The following ERN2 variants were observed in gnomAD, a reference collection of about 807,000 sequenced individuals.
The protein encoded by ERN2 is endoplasmic reticulum to nucleus signaling 2.
Under a neutral mutation model 107.9 loss-of-function variants are expected in ERN2, and 111 were observed. The observed-to-expected ratio is 1.03, with a 90% CI of 0.88 to 1.20. The LOEUF (loss-of-function observed/expected upper bound fraction) is 1.20, where lower values mean the gene tolerates loss of function less well. Ranked by LOEUF, ERN2 falls within the 50% of genes most tolerant of loss-of-function variation. The probability of loss-of-function intolerance (pLI) is 0.00; values close to 1 mark genes in which losing one functional copy is unlikely to be tolerated. For missense variants in ERN2, 1,225 were observed against 1,197.9 expected (o/e 1.02, Z -0.33); for synonymous variants, 524 against 501.7 (o/e 1.04, Z -0.59).
chr16:23,700,401 CT>C, intron 13 of ERN2, 137 bp downstream of exon 13: 4 of 795,010 alleles, frequency 5.0e-6, no homozygotes. Context: ...GTAGCAGGCT[CT>C]ACTCAAAACA....
At position 23,694,793 on chromosome 16, in the gene ERN2, C is replaced by T; in HGVS notation, c.2035G>A (p.Gly679Ser). 6.2e-7 allele frequency: 1 copy of T among 1,613,448 alleles called. No homozygotes were observed. Among genetic ancestry groups the T allele is most frequent in the South Asian group, 1.1e-5 (1 of 90,944 alleles). Residue 679 changes from glycine (G) to serine (S), a missense_variant, in exon 17 of 22, where the codon GGC becomes AGC. Transcript: ENST00000256797. ...AGRCSFSLHS[G>S]IPGTEGWMAP... ...ATCCAGCCTTCCGTGCCGGGGATGC[C>T]GGAGTGGAGGCTGAAGCTACAGCGG...
chr16:23,694,774 C>T lies in ERN2; in HGVS notation c.2054G>A (p.Gly685Asp). The T allele has an allele frequency of 6.2e-7, 1 of 1,612,546 alleles. No individual in the cohort carries two copies. The highest frequency in any genetic ancestry group is 1.1e-5 in the South Asian group (1 of 90,772). ...CTGCAGAAGCTCGGGCGCCATCCAG[C>T]CTTCCGTGCCGGGGATGCCGGAGTG... is the stretch of plus-strand genomic sequence containing the variant. ...SLHSGIPGTE[G>D]WMAPELLQLL... Residue 685 changes from glycine to aspartate, a missense_variant, in exon 17 of 22, where the codon GGC (glycine) becomes GAC (aspartate). By Grantham distance (94) the Gly-to-Asp change is moderately conservative. Transcript: ENST00000256797.
Position 23,702,370 on chromosome 16 carries a change from T to A in ERN2, c.1081+20A>T. ...GTTCTTTATCTTCATCTACTCCCAA[T>A]TTGAGCCAGAGGATCTCACCAATGA... On this transcript the variant is annotated intron_variant, in intron 10 of 21. Coordinates refer to ENST00000256797, the MANE Select transcript of ERN2 (RefSeq NM_033266.4). The A allele has an allele frequency of 6.2e-7, 1 of 1,611,390 alleles. No homozygotes were observed. Among genetic ancestry groups the A allele is most frequent in the Non-Finnish European group, 8.5e-7 (1 of 1,178,394 alleles).
Position 23,695,302 on chromosome 16 carries a change from C to CT in ERN2, c.1697dup (p.Glu567GlyfsTer3), listed in dbSNP as rs1291520997. ...GCACGTTGGGGTGCCTGTCAGACTC[C>CT]TGCAGCAGTTGAACTTCCCGCCGAA... On this transcript the variant is annotated frameshift_variant, in exon 15 of 22. Transcript: ENST00000256797. LOFTEE classifies it high-confidence loss of function. 1 of 1,613,944 alleles carries CT rather than the reference C, an allele frequency of 6.2e-7. No individual in the cohort carries two copies. The highest frequency in any genetic ancestry group is 8.5e-7 in the Non-Finnish European group (1 of 1,179,978).
chr16:23,695,883 C>T lies in ERN2; in HGVS notation c.1610+11G>A, dbSNP rs1217969130. Reference sequence around the variant, plus strand: ...GCCATGTCCCCAGCTTGGCTCCTGGCTGCCACTCACCGGAAAACGAAAGTC... The same window carrying T: ...GCCATGTCCCCAGCTTGGCTCCTGGTTGCCACTCACCGGAAAACGAAAGTC... On this transcript the variant is annotated intron_variant, in intron 14 of 21. Transcript: ENST00000256797. 1.2e-6 allele frequency: 2 copies of T among 1,611,464 alleles called. No individual in the cohort carries two copies. The highest frequency in any genetic ancestry group is 1.7e-6 in the Non-Finnish European group (2 of 1,177,834).
rs765244062 is a variant in ERN2, at chr16:23,706,358, C to T, written c.561G>A (p.Ala187=). The T allele has an allele frequency of 1.9e-5, 29 of 1,556,126 alleles. No individual in the cohort carries two copies. The highest frequency in any genetic ancestry group is 1.7e-4 in the Middle Eastern group (1 of 5,894). The change falls in exon 7 of 22, where the codon GCG becomes GCA. Residue 187 remains alanine (A), a synonymous_variant. Coordinates refer to ENST00000256797, the MANE Select transcript of ERN2 (RefSeq NM_033266.4). ...TCCCAGGTGAGCCATCCATGGGGGG[C>T]GCTGAGTAGCGGCGGTAGGTGGTGT... ...RWNTTYRRYS[A]PPMDGSPGKY... is the part of the protein sequence containing the mutation.
chr16:23,697,561 C>T (rs1959881304), intron 13 of ERN2, among the ~76,000 whole-genome samples: 1 of 152,070 alleles, frequency 6.6e-6, no homozygotes. Flanking sequence ...ATGGAGTAAA[C>T]ACTTGCTTAG....
At position 23,695,216 on chromosome 16, in the gene ERN2, CG is replaced by C. The variant is rs1363459565; in HGVS notation, c.1783del (p.Arg595GlyfsTer8). The C allele has an allele frequency of 6.2e-7, 1 of 1,614,076 alleles. No homozygotes were observed. Among genetic ancestry groups the C allele is most frequent in the Non-Finnish European group, 8.5e-7 (1 of 1,179,996 alleles). ...QFHYIALELC[R>X]ASLQEYVENP... is the part of the protein sequence containing the mutation. ...GCAACTCACCTCCTGCAAGGAGGCCCGGCAGAGCTCCAGGGCAATGTAGTGG... is the reference window on the plus strand; with the variant it reads ...GCAACTCACCTCCTGCAAGGAGGCCCGCAGAGCTCCAGGGCAATGTAGTGG... On this transcript the variant is annotated frameshift_variant, in exon 15 of 22. Transcript: ENST00000256797. LOFTEE classifies it high-confidence loss of function.
rs1959753673 is a variant in ERN2, at chr16:23,695,128, A to G, written c.1801-10T>C. On this transcript the variant is annotated splice_polypyrimidine_tract_variant and intron_variant, in intron 15 of 21. Transcript: ENST00000256797. ...CCGGGTTTTCTACGTACTGAGCAGC[A>G]GCAAGGGCCAAAGCATCACTCTCCA... 1 of 1,613,928 alleles carries G rather than the reference A, an allele frequency of 6.2e-7. No individual in the cohort carries two copies. Among genetic ancestry groups the G allele is most frequent in the South Asian group, 1.1e-5 (1 of 91,080 alleles).
intron 17 of ERN2, among the ~76,000 whole-genome samples, chr16:23,694,261 TG>T (rs1201827585): frequency 1.3e-5 from 2 of 152,194 alleles, no homozygotes; most frequent in African/African-American, 4.8e-5. Flanking sequence ...CCTCTCAAAG[TG>T]CTGGGATTAC....
Position 23,702,808 on chromosome 16 carries a change from G to A in ERN2, c.855-106C>T, listed in dbSNP as rs74012351. The A allele has an allele frequency of 4.1e-3, 3,905 of 958,390 alleles. 93 individuals are homozygous for A. In the African/African-American group the frequency reaches 0.056, roughly 14 times the overall value. 59.4% of individuals were successfully genotyped at this position (958,390 alleles called of 1,614,324 possible). On this transcript the variant is annotated intron_variant, in intron 8 of 21. Coordinates refer to ENST00000256797, the MANE Select transcript of ERN2 (RefSeq NM_033266.4). ...TATATTTCCCTCTCACATTGACTCA[G>A]CTTAGCCATGAGACTTGCTTTAATC...
intron 11 of ERN2, 36 bp downstream of exon 11, chr16:23,702,116 C>T (rs914574490): frequency 7.5e-6 from 12 of 1,591,492 alleles, no homozygotes; most frequent in Non-Finnish European, 1.0e-5. Flanking sequence ...CTGCTGGGGC[C>T]TCCCTACCCC....
intron 1 of ERN2, among the ~76,000 whole-genome samples, chr16:23,711,649 C>G (rs184729635): frequency 1.0e-3 from 155 of 152,284 alleles, no homozygotes; most frequent in African/African-American, 3.5e-3. Context: ...TGAGCCACTG[C>G]ACCCATTCTA....
intron 16 of ERN2, 37 bp downstream of exon 16, chr16:23,694,982 A>C (rs1454128017): frequency 6.2e-7 from 1 of 1,612,968 alleles, no homozygotes; most frequent in Non-Finnish European, 8.5e-7. Context: ...GGCAGGGGCT[A>C]AGGACAGGGA....
chr16:23,691,460 G>T (rs1413478623), intron 19 of ERN2, 35 bp from the exon 20 acceptor site: 1 of 1,592,064 alleles, frequency 6.3e-7, no homozygotes, highest in South Asian at 1.1e-5. Context: ...CTTGTGACCG[G>T]GGCCAGAGGC....
chr16:23,702,038 C>A, intron 11 of ERN2, 114 bp downstream of exon 11: 1 of 1,116,844 alleles, frequency 9.0e-7, no homozygotes, highest in South Asian at 1.6e-5. Flanking sequence ...TGTGTGAGGT[C>A]AATTGACCCA....
chr16:23,694,686 T>C, intron 17 of ERN2, 42 bp downstream of exon 17: 1 of 1,520,876 alleles, frequency 6.6e-7, no homozygotes, highest in Non-Finnish European at 8.9e-7. Context: ...TCCTGCAGCC[T>C]GGGGCAGCTG....
Position 23,691,049 on chromosome 16 carries a change from G to C in ERN2, c.2569-6C>G. The C allele has an allele frequency of 6.2e-7, 1 of 1,614,130 alleles. No individual in the cohort carries two copies. Among genetic ancestry groups the C allele is most frequent in the Non-Finnish European group, 8.5e-7 (1 of 1,179,986 alleles). On this transcript the variant is annotated splice_polypyrimidine_tract_variant and splice_region_variant and intron_variant, in intron 21 of 21. Coordinates refer to ENST00000256797, the MANE Select transcript of ERN2 (RefSeq NM_033266.4). ...AGCTCCCTGTAGTGGTGCTTCTGTG[G>C]GTAGGTAGAGCAGAGAACCCTGGCT...
intron 13 of ERN2, among the ~76,000 whole-genome samples, chr16:23,698,869 T>C (rs1016578368): frequency 3.9e-5 from 6 of 152,240 alleles, no homozygotes; most frequent in African/African-American, 1.4e-4. Context: ...ATTACAGGCA[T>C]GAGCCACCGT....
Sources: gnomAD v4.1 joint callset for allele counts (sites outside exome capture counted in the v4.1 genomes callset) on GRCh38, gnomAD v4.1.1 for gene constraint, MANE v1.5 for transcripts, NCBI Gene and HGNC (gene_info 2026-07-23, HGNC 2026-07-21) for gene names.